Variants in ITGAV observed in about 807,000 individuals in gnomAD.
ITGAV encodes the protein integrin subunit alpha V.
ITGAV carries 76 observed loss-of-function variants against 143.8 expected under a neutral mutation model. The observed-to-expected ratio is 0.53, with a 90% CI of 0.44 to 0.64. The LOEUF is 0.64. ITGAV is among the 30% of genes least tolerant of loss of function. The pLI is 0.00. For missense variants in ITGAV, 1,193 were observed against 1,274.7 expected (o/e 0.94, Z 0.98); for synonymous variants, 453 against 446.7 (o/e 1.01, Z -0.18).
At chr2:186,665,292 A>G in intron 21 of ITGAV, 74 bp downstream of exon 21, 1 of 933,054 alleles carries the variant, frequency 1.1e-6, no homozygotes, top group Non-Finnish European at 1.7e-6. Context: ...GCTCATAGTA[A>G]TTTTTAAAAA....
intron 24 of ITGAV, among the ~76,000 whole-genome samples, chr2:186,668,226 T>A (rs1315596119): frequency 6.2e-4 from 35 of 56,326 alleles, no homozygotes; most frequent in East Asian, 1.9e-3. Flanking sequence ...ATTTTTTTTT[T>A]TTTTTTTTTT....
chr2:186,649,890 GCATTT>G lies in ITGAV; in HGVS notation c.1397+6_1397+10del. The G allele has an allele frequency of 7.0e-7, 1 of 1,430,482 alleles. No homozygotes were observed. The highest frequency in any genetic ancestry group is 9.2e-7 in the Non-Finnish European group (1 of 1,082,806). The allele number at this position is 1,430,482 out of a possible 1,614,324, so 88.6% of individuals were successfully genotyped here. ...AGATCGAGCTATCTTATACAGGTGA[GCATTT>G]TCTGTATCCTGCGGTATAGGAATAT... is the stretch of plus-strand genomic sequence containing the variant. On this transcript the variant is annotated splice_donor_region_variant and intron_variant, in intron 14 of 29. Transcript: ENST00000261023.
At chr2:186,599,706 A>C (rs564945852) in intron 1 of ITGAV, among the ~76,000 whole-genome samples, 1 of 152,224 alleles carries the variant, frequency 6.6e-6, no homozygotes, top group South Asian at 2.1e-4. Context: ...GGGTCTTACT[A>C]TGTTGCCTAG....
chr2:186,639,574 ATTC>A (rs1688046731), intron 10 of ITGAV, among the ~76,000 whole-genome samples: 1 of 152,136 alleles, frequency 6.6e-6, no homozygotes, highest in African/African-American at 2.4e-5. Flanking sequence ...TACTTGCTTT[ATTC>A]CTCCTTCCAC....
chr2:186,647,704 C>T (rs1268998681), intron 13 of ITGAV, among the ~76,000 whole-genome samples: 4 of 152,154 alleles, frequency 2.6e-5, no homozygotes, highest in Admixed American at 1.3e-4. Context: ...TCCAGTAGAG[C>T]AAGCAAGACC....
At chr2:186,623,119 T>C (rs774383147) in intron 3 of ITGAV, among the ~76,000 whole-genome samples, 2 of 152,188 alleles carry the variant, frequency 1.3e-5, no homozygotes, top group African/African-American at 2.4e-5. Flanking sequence ...CCTATGCCAC[T>C]GTCCATTCCT....
In ITGAV at chr2:186,667,139, T is replaced by C; in HGVS notation, c.2247-11T>C. The C allele has an allele frequency of 6.3e-7, 1 of 1,597,012 alleles. No individual in the cohort carries two copies. Among genetic ancestry groups the C allele is most frequent in the Non-Finnish European group, 8.5e-7 (1 of 1,173,298 alleles). On this transcript the variant is annotated splice_polypyrimidine_tract_variant and intron_variant, in intron 22 of 29. Transcript: ENST00000261023. ...ATAATTCATTTTTAAGTTTTTTTTT[T>C]TCTTTTTCAGCTCAAATCTATTTGA...
intron 29 of ITGAV, 68 bp downstream of exon 29, chr2:186,677,003 G>A (rs114513273): frequency 3.8e-5 from 58 of 1,530,692 alleles, no homozygotes; most frequent in Admixed American, 1.2e-4. Context: ...AGAAGGAAAA[G>A]AAGAATGAAA....
At position 186,680,057 on chromosome 2, in the gene ITGAV, G is replaced by T. The variant is rs1210622516; in HGVS notation, c.*2765G>T. On this transcript the variant is annotated 3_prime_UTR_variant, in exon 30 of 30. Transcript: ENST00000261023. ...TGTATATAATAGATCAGCGATTTTT[G>T]TAAGGCAAACAGAATTTGTAAGTTG... 1 of 152,032 alleles carries T rather than the reference G, an allele frequency of 6.6e-6. No homozygotes were observed. The highest frequency in any genetic ancestry group is 1.5e-5 in the Non-Finnish European group (1 of 67,936). 9.4% of individuals were successfully genotyped at this position (152,032 alleles called of 1,614,324 possible).
chr2:186,676,805 C>T lies in ITGAV; in HGVS notation c.2929-8C>T. ...GTTTTTAAAACTAAAAGCTTTTTTC[C>T]TCGATAGGTTACCACTAATGTCACC... On this transcript the variant is annotated splice_polypyrimidine_tract_variant and splice_region_variant and intron_variant, in intron 28 of 29. Transcript: ENST00000261023. 1 of 1,607,830 alleles carries T rather than the reference C, an allele frequency of 6.2e-7. No individual in the cohort carries two copies. The highest frequency in any genetic ancestry group is 1.1e-5 in the South Asian group (1 of 89,468).
At chr2:186,625,095 C>T (rs1172258551) in intron 3 of ITGAV, among the ~76,000 whole-genome samples, 1 of 151,964 alleles carries the variant, frequency 6.6e-6, no homozygotes, top group Non-Finnish European at 1.5e-5. Flanking sequence ...TGAAAGTTGG[C>T]CAGGTGTGGT....
chr2:186,623,198 T>C (rs548852842), intron 3 of ITGAV, among the ~76,000 whole-genome samples: 2 of 152,370 alleles, frequency 1.3e-5, no homozygotes, highest in East Asian at 3.9e-4. Context: ...TCACATTCCC[T>C]TTCCTATGTC....
intron 2 of ITGAV, among the ~76,000 whole-genome samples, chr2:186,604,095 C>T (rs1686989979): frequency 6.6e-6 from 1 of 151,702 alleles, no homozygotes; most frequent in Admixed American, 6.6e-5. Context: ...GGTCTCAAAA[C>T]ATCTGGGCTC....
chr2:186,647,704 C>A (rs1268998681), intron 13 of ITGAV, among the ~76,000 whole-genome samples: 1 of 152,154 alleles, frequency 6.6e-6, no homozygotes, highest in South Asian at 2.1e-4. Context: ...TCCAGTAGAG[C>A]AAGCAAGACC....
chr2:186,599,790 G>A (rs1399439326), intron 1 of ITGAV, among the ~76,000 whole-genome samples: 1 of 152,126 alleles, frequency 6.6e-6, no homozygotes, highest in Admixed American at 6.5e-5. Context: ...TCCCATCAAT[G>A]CACTCAAGAA....
At chr2:186,639,501 C>T (rs907747155) in intron 10 of ITGAV, among the ~76,000 whole-genome samples, 3 of 152,190 alleles carry the variant, frequency 2.0e-5, no homozygotes, top group Non-Finnish European at 4.4e-5. Flanking sequence ...TTCTCCAGCT[C>T]AAGCAGCTTC....
At chr2:186,657,878 C>A (rs537325482) in intron 17 of ITGAV, among the ~76,000 whole-genome samples, 2 of 152,064 alleles carry the variant, frequency 1.3e-5, no homozygotes, top group South Asian at 2.1e-4. Context: ...AACGACAAAG[C>A]CCAGATGGTT....
chr2:186,656,017 T>C (rs537920845), intron 16 of ITGAV, among the ~76,000 whole-genome samples: 178 of 152,288 alleles, frequency 1.2e-3, no homozygotes, highest in Non-Finnish European at 1.8e-3. Flanking sequence ...TTTTTGGGAA[T>C]TATTTATGAC....
intron 18 of ITGAV, among the ~76,000 whole-genome samples, chr2:186,660,265 A>G (rs930328623): frequency 6.6e-6 from 1 of 152,220 alleles, no homozygotes; most frequent in Non-Finnish European, 1.5e-5. Context: ...AAAACCAGCT[A>G]ATCAAGTAGG....
Sources: allele counts gnomAD v4.1 joint callset (sites outside exome capture counted in the v4.1 genomes callset), GRCh38; gene constraint gnomAD v4.1.1; transcripts MANE v1.5; gene names NCBI Gene and HGNC (gene_info 2026-07-23, HGNC 2026-07-21).